CNKSR2: variants seen among roughly 807,000 people sequenced by gnomAD.
CNKSR2 encodes the protein CNK homolog protein 2.
A neutral mutation model predicts 84.4 loss-of-function variants in CNKSR2; 14 were observed. That is an observed-to-expected ratio of 0.17 (90% CI 0.11 to 0.26). The LOEUF is 0.26. CNKSR2 is among the 10% of genes least tolerant of loss of function. The pLI is 1.00. For missense variants in CNKSR2, 485 were observed against 771.2 expected (o/e 0.63, Z 4.40); for synonymous variants, 275 against 277.9 (o/e 0.99, Z 0.10).
At chrX:21,559,767 T>TG (rs1357434213) in intron 11 of CNKSR2, among the ~76,000 whole-genome samples, 5 of 111,690 alleles carry the variant, frequency 4.5e-5, no homozygotes, top group Non-Finnish European at 7.6e-5. Context: ...GATATACTGT[T>TG]GGAGAATTTG....
chrX:21,517,071 GTTATA>G (rs1477568846), intron 9 of CNKSR2, among the ~76,000 whole-genome samples: 1 of 111,088 alleles, frequency 9.0e-6, no homozygotes, highest in South Asian at 3.8e-4. Flanking sequence ...AAAATGAAAT[GTTATA>G]TTAGTAATTA....
chrX:21,465,116 A>G lies in CNKSR2; in HGVS notation c.520-5650A>G, dbSNP rs1401157994. Reference sequence around the variant, plus strand: ...AAAGCCATTTAGGGCCAGGTAAAATATCATTTCCTTCACTTAGTTAATCCA... The same window carrying G: ...AAAGCCATTTAGGGCCAGGTAAAATGTCATTTCCTTCACTTAGTTAATCCA... On this transcript the variant is annotated intron_variant, in intron 4 of 21. Transcript: ENST00000379510. Among the ~76,000 whole-genome samples, 26 of 112,272 alleles carry G rather than the reference A, an allele frequency of 2.3e-4. No homozygotes were observed. In the Admixed American group the frequency reaches 2.5e-3, roughly 11 times the overall value.
intron 11 of CNKSR2, among the ~76,000 whole-genome samples, chrX:21,533,071 A>G (rs1464360911): frequency 2.7e-5 from 3 of 110,972 alleles, no homozygotes; most frequent in Non-Finnish European, 5.7e-5. Flanking sequence ...AATTTTCCCC[A>G]AAATGATGCT....
intron 20 of CNKSR2, among the ~76,000 whole-genome samples, chrX:21,638,205 C>T (rs1292024986): frequency 8.9e-6 from 1 of 111,738 alleles, no homozygotes; most frequent in Non-Finnish European, 1.9e-5. Flanking sequence ...TACCTCTACC[C>T]TTATCCCCTC....
At chrX:21,646,767 CCTCTA>C (rs2092707901) in intron 20 of CNKSR2, among the ~76,000 whole-genome samples, 1 of 111,463 alleles carries the variant, frequency 9.0e-6, no homozygotes, top group African/African-American at 3.3e-5. Context: ...TCTACCCCAC[CCTCTA>C]CTCTATGAAA....
chrX:21,638,040 A>G (rs1209612435), intron 20 of CNKSR2, among the ~76,000 whole-genome samples: 1 of 112,109 alleles, frequency 8.9e-6, no homozygotes, highest in Non-Finnish European at 1.9e-5. Flanking sequence ...GTTCTGTCTT[A>G]GAACTCAAAC....
In CNKSR2 at chrX:21,432,817, A is replaced by G; in HGVS notation, c.431+3A>G. 1 of 1,206,383 alleles carries G rather than the reference A, an allele frequency of 8.3e-7. No homozygotes were observed. Among genetic ancestry groups the G allele is most frequent in the Non-Finnish European group, 1.1e-6 (1 of 892,490 alleles). ...AGTCTGCTTGCCTGGTTGGACAGGT[A>G]AAGTCTTCCGCATGTTTCATAAGTA... On this transcript the variant is annotated splice_donor_region_variant and intron_variant, in intron 3 of 21. Coordinates refer to ENST00000379510, the MANE Select transcript of CNKSR2 (RefSeq NM_014927.5).
At chrX:21,517,889 C>T (rs2147098735) in intron 9 of CNKSR2, among the ~76,000 whole-genome samples, 1 of 111,320 alleles carries the variant, frequency 9.0e-6, no homozygotes, top group Admixed American at 9.5e-5. Flanking sequence ...TCAAAATTCT[C>T]CATTATACAT....
chrX:21,618,087 T>G (rs773702283), intron 20 of CNKSR2, among the ~76,000 whole-genome samples: 1 of 110,657 alleles, frequency 9.0e-6, no homozygotes, highest in South Asian at 3.9e-4. Context: ...GAAAAAAAAT[T>G]AGCAAGTCCA....
chrX:21,481,892 A>G (rs2091323823), intron 5 of CNKSR2, among the ~76,000 whole-genome samples: 1 of 111,543 alleles, frequency 9.0e-6, no homozygotes, highest in Non-Finnish European at 1.9e-5. Flanking sequence ...TCTGCTGACA[A>G]CCTGAATGAA....
chrX:21,617,756 C>A (rs932470782), intron 20 of CNKSR2, among the ~76,000 whole-genome samples: 1 of 110,949 alleles, frequency 9.0e-6, no homozygotes, highest in African/African-American at 3.3e-5. Context: ...AAATAACTTA[C>A]GTAGCACCTT....
chrX:21,390,957 A>G (rs985264987), intron 1 of CNKSR2, among the ~76,000 whole-genome samples: 3 of 112,037 alleles, frequency 2.7e-5, no homozygotes, highest in African/African-American at 9.7e-5. Flanking sequence ...CTACAGGACC[A>G]TGCAATTCTG....
intron 4 of CNKSR2, among the ~76,000 whole-genome samples, chrX:21,447,217 G>C (rs939757048): frequency 2.7e-5 from 3 of 111,152 alleles, no homozygotes; most frequent in Admixed American, 9.6e-5. Flanking sequence ...TGTGCATTAT[G>C]TGCATACCCC....
intron 9 of CNKSR2, among the ~76,000 whole-genome samples, chrX:21,520,066 T>A (rs528882448): frequency 2.7e-4 from 30 of 111,465 alleles, no homozygotes; most frequent in African/African-American, 9.1e-4. Context: ...TTGATTTGGA[T>A]TTTCTTTTGA....
chrX:21,424,506 T>C (rs1206723892), intron 1 of CNKSR2: 2 of 111,356 alleles, frequency 1.8e-5, no homozygotes, highest in African/African-American at 6.5e-5. Context: ...CACTATACCT[T>C]TCACCCTATA....
At chrX:21,641,656 G>C (rs2147337723) in intron 20 of CNKSR2, 2 of 1,152,424 alleles carry the variant, frequency 1.7e-6, no homozygotes, top group East Asian at 6.6e-5. Context: ...ATCGGAGAGA[G>C]TCGGTACGGC....
chrX:21,479,589 A>G (rs889538974), intron 5 of CNKSR2, among the ~76,000 whole-genome samples: 1 of 111,248 alleles, frequency 9.0e-6, no homozygotes, highest in Non-Finnish European at 1.9e-5. Context: ...ATAAATTATG[A>G]TAAGAAATAC....
chrX:21,453,127 G>A (rs1459698670), intron 4 of CNKSR2, among the ~76,000 whole-genome samples: 1 of 111,062 alleles, frequency 9.0e-6, no homozygotes, highest in African/African-American at 3.3e-5. Context: ...GGAGAATAAT[G>A]TAAGAAGCAG....
chrX:21,489,646 T>A (rs1270497648), intron 5 of CNKSR2, among the ~76,000 whole-genome samples: 1 of 112,262 alleles, frequency 8.9e-6, no homozygotes, highest in Admixed American at 9.5e-5. Context: ...ATTTATTGTT[T>A]CATACAGTTA....
Sources: gnomAD v4.1 joint callset for allele counts (sites outside exome capture counted in the v4.1 genomes callset) on GRCh38, gnomAD v4.1.1 for gene constraint, MANE v1.5 for transcripts, NCBI Gene and HGNC (gene_info 2026-07-23, HGNC 2026-07-21) for gene names.